The following STRN variants were observed in gnomAD, a reference collection of about 807,000 sequenced individuals.
The protein encoded by STRN is protein phosphatase 2 regulatory subunit B'''alpha.
A neutral mutation model predicts 96.3 loss-of-function variants in STRN; 53 were observed. The ratio of observed to expected loss-of-function variants is 0.55; its 90% CI spans 0.44 to 0.69. The LOEUF is 0.69. Ranked by LOEUF, STRN falls within the 30% of genes least tolerant of loss-of-function variation. STRN has a pLI of 0.00. For missense variants in STRN, 987 were observed against 963.9 expected, an observed-to-expected ratio of 1.02 and a Z score of -0.32; for synonymous variants, 428 against 355.9, an observed-to-expected ratio of 1.20 and a Z score of -2.28.
chr2:36,941,396 C>G (rs1670841057), intron 1 of STRN, among the ~76,000 whole-genome samples: 1 of 152,068 alleles, frequency 6.6e-6, no homozygotes, highest in African/African-American at 2.4e-5. Context: ...CTCTCCACCC[C>G]ATAAAAAAGT....
rs1026787514 is a variant in STRN at position 36,877,911 on chromosome 2, C to T, written c.1303G>A (p.Ala435Thr). Reference sequence around the variant, plus strand: ...CTTACATCATAAGTTAGTGAGTCTGCTTCATTGGCCACCGTAAGGCCTGCT... The same window carrying T: ...CTTACATCATAAGTTAGTGAGTCTGTTTCATTGGCCACCGTAAGGCCTGCT... ...ELAGLTVANE[A>T]DSLTYDIANN... The change falls in exon 10 of 18, where the codon GCA becomes ACA. Residue 435 changes from alanine (A) to threonine (T), a missense_variant. By Grantham distance (58) the Ala-to-Thr change is moderately conservative. Transcript: ENST00000263918. The T allele has an allele frequency of 6.2e-7, 1 of 1,614,138 alleles. No homozygotes were observed. The highest frequency in any genetic ancestry group is 1.3e-5 in the African/African-American group (1 of 75,054).
intron 1 of STRN, among the ~76,000 whole-genome samples, chr2:36,965,754 C>A (rs915439333): frequency 6.6e-6 from 1 of 152,228 alleles, no homozygotes; most frequent in African/African-American, 2.4e-5. Flanking sequence ...CGACTCAAGG[C>A]CTGACACAAC....
rs1320130667 is a variant in STRN, at chr2:36,851,043, A to T, written c.2043T>A (p.Thr681=). 2.5e-6 allele frequency: 4 copies of T among 1,613,772 alleles called. No homozygotes were observed. Residue 681 remains threonine (T), a synonymous_variant, in exon 16 of 18, where the codon ACT becomes ACA. Transcript: ENST00000263918. ...ISHPTLPISI[T]AHEDRHIKFY... ...ATTTGATGTGCCTGTCTTCATGAGC[A>T]GTGATGCTGATCGGAAGAGTAGGAT...
chr2:36,880,584 C>A (rs1669043712), intron 9 of STRN, among the ~76,000 whole-genome samples: 1 of 151,776 alleles, frequency 6.6e-6, no homozygotes, highest in African/African-American at 2.4e-5. Flanking sequence ...TAGGTTTTAC[C>A]CAAAATACCA....
At chr2:36,862,835 C>T (rs1317728410) in intron 12 of STRN, among the ~76,000 whole-genome samples, 2 of 151,762 alleles carry the variant, frequency 1.3e-5, no homozygotes, top group Non-Finnish European at 1.5e-5. Flanking sequence ...CCCGGGTTCA[C>T]GCCGTTCTCC....
chr2:36,961,217 C>T (rs1203594109), intron 1 of STRN, among the ~76,000 whole-genome samples: 1 of 147,676 alleles, frequency 6.8e-6, no homozygotes, highest in African/African-American at 2.5e-5. Context: ...GCTTCAACCT[C>T]CCAGGCCCAA....
intron 12 of STRN, among the ~76,000 whole-genome samples, chr2:36,862,960 T>C (rs889078734): frequency 7.9e-5 from 12 of 152,168 alleles, no homozygotes; most frequent in African/African-American, 2.7e-4. Context: ...CCTGACCTCA[T>C]GATCCGCCCG....
At chr2:36,911,258 G>A (rs1445531490) in intron 3 of STRN, among the ~76,000 whole-genome samples, 1 of 152,160 alleles carries the variant, frequency 6.6e-6, no homozygotes. Flanking sequence ...CTCTCTAGCT[G>A]TCATATCTTA....
chr2:36,913,645 A>C (rs1026115526), intron 3 of STRN, among the ~76,000 whole-genome samples: 2 of 152,180 alleles, frequency 1.3e-5, no homozygotes, highest in African/African-American at 4.8e-5. Context: ...CCAACAGGGC[A>C]TTGTTGTCTT....
At position 36,942,803 on chromosome 2, in the gene STRN, C is replaced by T. The variant is rs549322413; in HGVS notation, c.235-17595G>A. ...CTCCTTCTCCTGGATTCAAGCAATTCTGATGACTCAGCCTTCTGAGTAGCT... is the reference window on the plus strand; with the variant it reads ...CTCCTTCTCCTGGATTCAAGCAATTTTGATGACTCAGCCTTCTGAGTAGCT... On this transcript the variant is annotated intron_variant, in intron 1 of 17. Coordinates refer to ENST00000263918, the MANE Select transcript of STRN (RefSeq NM_003162.4). 5.3e-5 allele frequency among the ~76,000 whole-genome samples: 8 copies of T among 152,226 alleles called. No individual in the cohort carries two copies. In the South Asian group the frequency reaches 1.7e-3, roughly 32 times the overall value.
At chr2:36,936,071 G>A (rs1670693225) in intron 1 of STRN, among the ~76,000 whole-genome samples, 1 of 152,012 alleles carries the variant, frequency 6.6e-6, no homozygotes, top group Non-Finnish European at 1.5e-5. Context: ...GAAATATCAT[G>A]AAAACAATTT....
intron 7 of STRN, among the ~76,000 whole-genome samples, chr2:36,892,353 C>T: frequency 6.6e-6 from 1 of 151,962 alleles, no homozygotes; most frequent in East Asian, 1.9e-4. Context: ...TCATTTACAC[C>T]CTGAACTGCA....
In STRN at chr2:36,903,515, A is replaced by T. The variant is rs6744560; in HGVS notation, c.492-764T>A. On this transcript the variant is annotated intron_variant, in intron 4 of 17. Coordinates refer to ENST00000263918, the MANE Select transcript of STRN (RefSeq NM_003162.4). ...CCAAAGTTGACCAGAACAGACCAAA[A>T]GTGGCAGTGGGAAGACCATGAAAAA... Among the ~76,000 whole-genome samples, 17 of 152,120 alleles carry T rather than the reference A, an allele frequency of 1.1e-4. No individual in the cohort carries two copies. In the East Asian group the frequency reaches 2.5e-3, roughly 22 times the overall value.
chr2:36,929,339 T>C (rs1219247227), intron 1 of STRN, among the ~76,000 whole-genome samples: 3 of 152,306 alleles, frequency 2.0e-5, no homozygotes, highest in East Asian at 3.9e-4. Flanking sequence ...TAATAAACAA[T>C]TAAAATATTT....
rs1452866012 is a variant in STRN at position 36,838,784 on chromosome 2, A to G, written c.*10672T>C. ...CATATACACAGGAATGTTTATTGTA[A>G]TAATAAAAAGGAAATAAGAGCTATG... On this transcript the variant is annotated 3_prime_UTR_variant, in exon 18 of 18. Coordinates refer to ENST00000263918, the MANE Select transcript of STRN (RefSeq NM_003162.4). 6.6e-6 allele frequency among the ~76,000 whole-genome samples: 1 copy of G among 152,242 alleles called. No individual in the cohort carries two copies. Among genetic ancestry groups the G allele is most frequent in the African/African-American group, 2.4e-5 (1 of 41,472 alleles).
rs1670374751 is a variant in STRN at position 36,925,106 on chromosome 2, T to C, written c.337A>G (p.Arg113Gly). 2 of 1,607,258 alleles carry C rather than the reference T, an allele frequency of 1.2e-6. No homozygotes were observed. The highest frequency in any genetic ancestry group is 1.7e-6 in the Non-Finnish European group (2 of 1,174,634). Reference protein sequence around the residue: ...KMLEYALKQERAKYHKLKYGT... With the variant: ...KMLEYALKQEGAKYHKLKYGT... ...CCACTTTTCATTTTACTGAATTACCTTTCCTGTTTAAGAGCATACTCCAAC... is the reference window on the plus strand; with the variant it reads ...CCACTTTTCATTTTACTGAATTACCCTTCCTGTTTAAGAGCATACTCCAAC... The change falls in exon 2 of 18, where the codon AGA (arginine) becomes GGA (glycine). Residue 113 changes from arginine (R) to glycine (G), a missense_variant and splice_region_variant. Transcript: ENST00000263918.
At chr2:36,896,918 T>G (rs1295544666) in intron 6 of STRN, among the ~76,000 whole-genome samples, 1 of 152,096 alleles carries the variant, frequency 6.6e-6, no homozygotes, top group African/African-American at 2.4e-5. Context: ...CTGTAATCCC[T>G]GCACTTTGGG....
intron 1 of STRN, among the ~76,000 whole-genome samples, chr2:36,942,663 A>T (rs186308237): frequency 2.7e-4 from 41 of 152,230 alleles, no homozygotes; most frequent in Non-Finnish European, 5.4e-4. Flanking sequence ...AAGTTCTAAC[A>T]TATCTATCTC....
chr2:36,899,526 T>G lies in STRN; in HGVS notation c.792A>C (p.Ser264=). ...DGREKSVIDT[S]TIVRKKALPD... ...TTGTATGAGTTATCTAACTCACTGTTGAAGTATCAATGACGCTTTTCTCTC... is the reference window on the plus strand; with the variant it reads ...TTGTATGAGTTATCTAACTCACTGTGGAAGTATCAATGACGCTTTTCTCTC... The change falls in exon 6 of 18, where the codon TCA becomes TCC. Residue 264 remains serine (S), a synonymous_variant. Transcript: ENST00000263918. 1 of 1,611,960 alleles carries G rather than the reference T, an allele frequency of 6.2e-7. No homozygotes were observed. Among genetic ancestry groups the G allele is most frequent in the Non-Finnish European group, 8.5e-7 (1 of 1,179,536 alleles).
Sources: allele counts gnomAD v4.1 joint callset (sites outside exome capture counted in the v4.1 genomes callset), GRCh38; gene constraint gnomAD v4.1.1; transcripts MANE v1.5; gene names NCBI Gene and HGNC (gene_info 2026-07-23, HGNC 2026-07-21).